GCNT1: variants seen among roughly 807,000 people sequenced by gnomAD.
The protein encoded by GCNT1 is glucosaminyl (N-acetyl) transferase 1.
A neutral mutation model predicts 26.2 loss-of-function variants in GCNT1; 16 were observed. That is an observed-to-expected ratio of 0.61 (90% CI 0.41 to 0.93). The LOEUF (loss-of-function observed/expected upper bound fraction) is 0.93. GCNT1 is among the 40% of genes least tolerant of loss of function. The pLI is 0.00. For missense variants in GCNT1, 477 were observed against 526.7 expected (o/e 0.91, Z 0.92); for synonymous variants, 183 against 190.8 (o/e 0.96, Z 0.34).
chr9:76,470,831 A>G (rs1425790869), intron 2 of GCNT1, among the ~76,000 whole-genome samples: 1 of 152,114 alleles, frequency 6.6e-6, no homozygotes, highest in Non-Finnish European at 1.5e-5. Context: ...GGTTAGTCCA[A>G]GATTCAGCGG....
chr9:76,483,982 A>G (rs1230101104), intron 2 of GCNT1, among the ~76,000 whole-genome samples: 1 of 151,974 alleles, frequency 6.6e-6, no homozygotes, highest in East Asian at 1.9e-4. Context: ...GCCTGGCCTG[A>G]AAACTTTTTT....
At chr9:76,413,668 G>GTTTTTTTTTTTTTTTTTTTTTTTT in the GCNT1 span, among the ~76,000 whole-genome samples, 8 of 84,212 alleles carry the variant, frequency 9.5e-5, no homozygotes, top group East Asian at 7.3e-4. Context: ...TTTTTTTTTT[G>GTTTTTTTTTTTTTTTTTTTTTTTT]TTTTTTTTTT....
chr9:76,504,924 T>C lies in GCNT1; in HGVS notation c.*1256T>C. The C allele has an allele frequency of 2.4e-6, 1 of 413,376 alleles. No individual in the cohort carries two copies. Among genetic ancestry groups the C allele is most frequent in the African/African-American group, 2.1e-5 (1 of 48,730 alleles). 25.6% of individuals were successfully genotyped at this position (413,376 alleles called of 1,614,324 possible). A position where few individuals can be genotyped will look rare whatever the true frequency, so the allele number is the denominator to read the frequency against. On this transcript the variant is annotated 3_prime_UTR_variant, in exon 4 of 4. Transcript: ENST00000376730. ...TGGGTTTGGGACAGATTTTTTTTTTTGTTTTTGGTATCATTCACAGCATAC... is the reference window on the plus strand; with the variant it reads ...TGGGTTTGGGACAGATTTTTTTTTTCGTTTTTGGTATCATTCACAGCATAC...
At chr9:76,426,096 A>T (rs1404630391) in intron 1 of GCNT1, among the ~76,000 whole-genome samples, 1 of 152,182 alleles carries the variant, frequency 6.6e-6, no homozygotes, top group Non-Finnish European at 1.5e-5. Context: ...AATGCAGCCT[A>T]GTCCTGAGGC....
intron 2 of GCNT1, among the ~76,000 whole-genome samples, chr9:76,467,832 A>G (rs1346171725): frequency 6.6e-6 from 1 of 151,356 alleles, no homozygotes; most frequent in Non-Finnish European, 1.5e-5. Context: ...AAGGAAGTGT[A>G]AGAACCTCTA....
At chr9:76,477,793 C>G (rs1470697050) in intron 2 of GCNT1, among the ~76,000 whole-genome samples, 1 of 152,160 alleles carries the variant, frequency 6.6e-6, no homozygotes, top group African/African-American at 2.4e-5. Context: ...CCCCATTCTT[C>G]CCTCCCCCAG....
chr9:76,457,899 A>G (rs986253469), upstream of GCNT1, among the ~76,000 whole-genome samples: 7 of 152,078 alleles, frequency 4.6e-5, no homozygotes, highest in Non-Finnish European at 7.4e-5. Flanking sequence ...TCCCTCCCCA[A>G]TGAAGAGGAT....
At chr9:76,418,113 AG>A (rs35585896), upstream of GCNT1, among the ~76,000 whole-genome samples, 5,211 of 152,298 alleles carry the variant, frequency 0.034, 118 homozygotes, top group Non-Finnish European at 0.053. Flanking sequence ...GGTTCAGTCC[AG>A]AAAGGTGGGA....
At chr9:76,416,158 G>A (rs1377957824), upstream of GCNT1, among the ~76,000 whole-genome samples, 1 of 152,020 alleles carries the variant, frequency 6.6e-6, no homozygotes, top group African/African-American at 2.4e-5. Context: ...TCCACTTACA[G>A]ACAAGCAGAG....
chr9:76,400,586 C>G, the GCNT1 span, among the ~76,000 whole-genome samples: 3 of 152,252 alleles, frequency 2.0e-5, no homozygotes, highest in African/African-American at 7.2e-5. Flanking sequence ...CACTCCTCAG[C>G]TCCTGCCTCT....
intron 2 of GCNT1, among the ~76,000 whole-genome samples, chr9:76,499,102 G>T (rs1027721519): frequency 6.6e-6 from 1 of 151,178 alleles, no homozygotes; most frequent in Non-Finnish European, 1.5e-5. Context: ...GTTTTTGAAT[G>T]ATTTTGCTCA....
At chr9:76,490,079 C>T (rs888562084) in intron 2 of GCNT1, among the ~76,000 whole-genome samples, 4 of 152,220 alleles carry the variant, frequency 2.6e-5, no homozygotes, top group Non-Finnish European at 5.9e-5. Context: ...GGGGAGAAGT[C>T]ATGTCCACCA....
At chr9:76,450,708 C>T (rs1823651514) in intron 1 of GCNT1, among the ~76,000 whole-genome samples, 1 of 152,146 alleles carries the variant, frequency 6.6e-6, no homozygotes, top group African/African-American at 2.4e-5. Context: ...TCTTATCATG[C>T]CCTTTGCCCA....
chr9:76,394,185 C>A, the GCNT1 span: 3 of 1,587,518 alleles, frequency 1.9e-6, no homozygotes, highest in East Asian at 2.3e-5. Context: ...GCAGTCCGCT[C>A]GGGGAATGGG....
intron 2 of GCNT1, among the ~76,000 whole-genome samples, chr9:76,496,131 A>G (rs563685831): frequency 1.3e-5 from 2 of 152,282 alleles, no homozygotes; most frequent in East Asian, 1.9e-4. Context: ...CCTGGGTCCT[A>G]CTGTTTTCTG....
At chr9:76,490,688 T>C (rs1027039429) in intron 2 of GCNT1, among the ~76,000 whole-genome samples, 1 of 152,252 alleles carries the variant, frequency 6.6e-6, no homozygotes, top group Non-Finnish European at 1.5e-5. Flanking sequence ...CCTGATTCTG[T>C]AAGTACTTTA....
chr9:76,419,110 G>T (rs1036617367), upstream of GCNT1, among the ~76,000 whole-genome samples: 1 of 152,008 alleles, frequency 6.6e-6, no homozygotes, highest in Non-Finnish European at 1.5e-5. Flanking sequence ...TCCCAACATT[G>T]CCTCCTCTAT....
chr9:76,458,213 C>G (rs1274727741), upstream of GCNT1, among the ~76,000 whole-genome samples: 1 of 114,814 alleles, frequency 8.7e-6, no homozygotes, highest in African/African-American at 3.5e-5. Context: ...GATGGAGTCT[C>G]GCTCTGTTGC....
At chr9:76,403,530 A>G in the GCNT1 span, among the ~76,000 whole-genome samples, 38 of 152,334 alleles carry the variant, frequency 2.5e-4, no homozygotes, top group East Asian at 5.8e-3. Flanking sequence ...GCGGTGACAC[A>G]TGAAATAAGA....
Sources: allele counts gnomAD v4.1 joint callset (sites outside exome capture counted in the v4.1 genomes callset), GRCh38; gene constraint gnomAD v4.1.1; transcripts MANE v1.5; gene names NCBI Gene and HGNC (gene_info 2026-07-23, HGNC 2026-07-21).